PCDHGB4: variants seen among roughly 807,000 people sequenced by gnomAD.
PCDHGB4 encodes the protein protocadherin gamma-B4.
In PCDHGB4, 38 loss-of-function variants were observed where a neutral mutation model predicts 60.5. That is an observed-to-expected ratio of 0.63 (90% CI 0.48 to 0.82). PCDHGB4 has a LOEUF of 0.82. PCDHGB4 is among the 40% of genes least tolerant of loss of function. PCDHGB4 has a pLI of 0.00. For synonymous variants in PCDHGB4, 456 were observed against 509.7 expected, an observed-to-expected ratio of 0.89 and a Z score of 1.42; for missense variants, 1,109 against 1,209.6, an observed-to-expected ratio of 0.92 and a Z score of 1.23.
intron 1 of PCDHGB4, among the ~76,000 whole-genome samples, chr5:141,406,069 C>G (rs72790037): frequency 0.11 from 16,670 of 145,514 alleles, 1,088 homozygotes; most frequent in African/African-American, 0.2. Flanking sequence ...AAAATTCTTA[C>G]TCCTTTTTTT....
chr5:141,420,669 G>A (rs1018355067), intron 1 of PCDHGB4, among the ~76,000 whole-genome samples: 2 of 152,202 alleles, frequency 1.3e-5, no homozygotes, highest in South Asian at 2.1e-4. Context: ...CATCCTACCT[G>A]ATGATTTTAT....
intron 1 of PCDHGB4, chr5:141,415,485 T>C (rs2154545779): frequency 6.2e-7 from 1 of 1,614,044 alleles, no homozygotes; most frequent in South Asian, 1.1e-5. Flanking sequence ...CGCGAAAGAG[T>C]CACCTGATCT....
At chr5:141,398,414 G>C (rs373274513) in intron 1 of PCDHGB4, 1 of 1,487,954 alleles carries the variant, frequency 6.7e-7, no homozygotes, top group Non-Finnish European at 9.3e-7. Flanking sequence ...GAGGAGATAT[G>C]CGGGAAGAAG....
At chr5:141,500,947 C>T (rs933082173) in intron 2 of PCDHGB4, among the ~76,000 whole-genome samples, 15 of 151,822 alleles carry the variant, frequency 9.9e-5, no homozygotes, top group African/African-American at 3.6e-4. Context: ...CGGCTCACTG[C>T]AAGCTCCACC....
intron 1 of PCDHGB4, chr5:141,413,677 G>T (rs539552615): frequency 6.2e-7 from 1 of 1,613,794 alleles, no homozygotes; most frequent in East Asian, 2.2e-5. Flanking sequence ...GGATGTGGGC[G>T]TGAACTCCCT....
intron 1 of PCDHGB4, chr5:141,423,740 G>T: frequency 1.4e-6 from 1 of 698,992 alleles, no homozygotes; most frequent in Non-Finnish European, 1.8e-6. Flanking sequence ...AGCCTGTTAT[G>T]AAAACTGTTT....
In PCDHGB4 at chr5:141,487,761, C is replaced by T. The variant is rs1331182183; in HGVS notation, c.2398-7046C>T. Reference sequence around the variant, plus strand: ...GTAAGAGGTAACTATGTGGTAGACGCTGTGCTTTGTAACTGTTTCGTGAAT... The same window carrying T: ...GTAAGAGGTAACTATGTGGTAGACGTTGTGCTTTGTAACTGTTTCGTGAAT... On this transcript the variant is annotated intron_variant, in intron 1 of 3. Coordinates refer to ENST00000519479, the MANE Select transcript of PCDHGB4 (RefSeq NM_003736.4). The surrounding 1 kb of genome is among the most constrained non-coding windows in gnomAD (Gnocchi z 5.0). 3.2e-6 allele frequency: 5 copies of T among 1,545,926 alleles called. No individual in the cohort carries two copies. Among genetic ancestry groups the T allele is most frequent in the South Asian group, 1.2e-5 (1 of 83,534 alleles).
In PCDHGB4 at chr5:141,505,470, C is replaced by T. The variant is rs1241228956; in HGVS notation, c.2534C>T (p.Ala845Val). Reference protein sequence around the residue: ...DTEMLQAMILASASEAADGSS... With the variant: ...DTEMLQAMILVSASEAADGSS... ...GAGATGCTGCAAGCCATGATCTTGG[C>T]GTCCGCCAGTGGTAAGTGGTGTCAG... The change falls in exon 3 of 4, where the codon GCG becomes GTG. Residue 845 changes from alanine (A) to valine (V), a missense_variant. By Grantham distance (64) the Ala-to-Val change is moderately conservative. Around this residue, in one of 2 missense-constraint regions of PCDHGB4, gnomAD observed 1,068 missense variants for 1,089.9 expected, o/e 0.98. Transcript: ENST00000519479. 2 of 1,614,068 alleles carry T rather than the reference C, an allele frequency of 1.2e-6. No individual in the cohort carries two copies. Among genetic ancestry groups the T allele is most frequent in the Non-Finnish European group, 8.5e-7 (1 of 1,180,010 alleles).
At position 141,476,455 on chromosome 5, in the gene PCDHGB4, G is replaced by A. The variant is rs572682842; in HGVS notation, c.2398-18352G>A. The A allele has an allele frequency of 1.2e-6, 2 of 1,614,034 alleles. No individual in the cohort carries two copies. The highest frequency in any genetic ancestry group is 2.2e-5 in the South Asian group (2 of 91,084). ...CTGTAACTCTGGAGTTGGTAGTGGA[G>A]AACCCGCTGGAGCTGTTCAGCGTGG... On this transcript the variant is annotated intron_variant, in intron 1 of 3. Coordinates refer to ENST00000519479, the MANE Select transcript of PCDHGB4 (RefSeq NM_003736.4). This position sits in a 1 kb window ranked among gnomAD's most constrained non-coding sequence, Gnocchi z 7.6.
intron 1 of PCDHGB4, among the ~76,000 whole-genome samples, chr5:141,450,572 T>C (rs1276283357): frequency 6.6e-6 from 1 of 151,710 alleles, no homozygotes; most frequent in Non-Finnish European, 1.5e-5. Context: ...CTGCAACTTC[T>C]GCCTCCCAGG....
chr5:141,489,335 G>T lies in PCDHGB4; in HGVS notation c.2398-5472G>T. On this transcript the variant is annotated intron_variant, in intron 1 of 3. Transcript: ENST00000519479. This position sits in a 1 kb window ranked among gnomAD's most constrained non-coding sequence, Gnocchi z 4.5. ...TGGGGCTGGGTGTCTGGGCAGCTTC[G>T]TTACTCAGTGGTGGAGGAGTCTGAG... 1.2e-6 allele frequency: 2 copies of T among 1,607,364 alleles called. No individual in the cohort carries two copies. The highest frequency in any genetic ancestry group is 1.7e-6 in the Non-Finnish European group (2 of 1,175,842).
At chr5:141,394,097 A>C in intron 1 of PCDHGB4, 1 of 1,613,932 alleles carries the variant, frequency 6.2e-7, no homozygotes, top group South Asian at 1.1e-5. Context: ...CAGATCTAGG[A>C]ACACCACCTC....
chr5:141,422,263 C>T lies in PCDHGB4; in HGVS notation c.2397+31982C>T, dbSNP rs755271863. On this transcript the variant is annotated intron_variant, in intron 1 of 3. Transcript: ENST00000519479. ...TGTTGTGGATGTGAATGATAACGCT[C>T]CAGAAATAACTATCACCTCTTCTAT... is the stretch of plus-strand genomic sequence containing the variant. 1.0e-5 allele frequency: 16 copies of T among 1,563,686 alleles called. No individual in the cohort carries two copies. The South Asian group carries it at 1.7e-4, about 17-fold the overall frequency.
chr5:141,432,870 T>C lies in PCDHGB4; in HGVS notation c.2397+42589T>C, dbSNP rs1022024380. The stretch of plus-strand genomic sequence containing the variant: ...GCGGTGGCCGCGGTCTCCTGCGTCT[T>C]CCTGGCCTTCGTCATCTTGCTGCTG... On this transcript the variant is annotated intron_variant, in intron 1 of 3. Transcript: ENST00000519479. This position sits in a 1 kb window ranked among gnomAD's most constrained non-coding sequence, Gnocchi z 6.0. The C allele has an allele frequency of 1.9e-6, 3 of 1,614,030 alleles. No homozygotes were observed. In the African/African-American group the frequency reaches 4.0e-5, roughly 22 times the overall value.
chr5:141,471,042 C>G (rs2099247416), intron 1 of PCDHGB4, among the ~76,000 whole-genome samples: 1 of 139,088 alleles, frequency 7.2e-6, no homozygotes, highest in South Asian at 2.3e-4. Flanking sequence ...CAAGCCCAAG[C>G]CCTCTTTTTT....
At chr5:141,437,381 C>T (rs2097879875) in intron 1 of PCDHGB4, among the ~76,000 whole-genome samples, 1 of 152,222 alleles carries the variant, frequency 6.6e-6, no homozygotes, top group Non-Finnish European at 1.5e-5. Flanking sequence ...AGTCAGAAGA[C>T]ATTCATCCAC....
At chr5:141,392,847 G>A (rs759327251) in intron 1 of PCDHGB4, 2 of 1,610,450 alleles carry the variant, frequency 1.2e-6, no homozygotes, top group Non-Finnish European at 1.7e-6. Context: ...CAGACGCGGC[G>A]AGCTGATCCT....
At chr5:141,403,652 G>C in intron 1 of PCDHGB4, 1 of 1,613,908 alleles carries the variant, frequency 6.2e-7, no homozygotes, top group South Asian at 1.1e-5. Context: ...GACAGTGTTG[G>C]ATACAAATGA....
At chr5:141,419,433 T>A (rs1333004780) in intron 1 of PCDHGB4, 6 of 1,613,246 alleles carry the variant, frequency 3.7e-6, no homozygotes, top group Non-Finnish European at 5.1e-6. Flanking sequence ...CACGAGCAGC[T>A]GCGCACCTTC....
Sources: allele counts gnomAD v4.1 joint callset (sites outside exome capture counted in the v4.1 genomes callset), GRCh38; gene constraint gnomAD v4.1.1; regional missense constraint gnomAD v4.1.1; non-coding constraint Gnocchi (gnomAD v3.1); transcripts MANE v1.5; gene names NCBI Gene and HGNC (gene_info 2026-07-23, HGNC 2026-07-21).